The following GNAI1 variants were observed in gnomAD, a reference collection of about 807,000 sequenced individuals.
The protein encoded by GNAI1 is guanine nucleotide-binding protein G(i) subunit alpha-1.
GNAI1 carries 11 observed loss-of-function variants against 38.9 expected under a neutral mutation model. The observed-to-expected ratio is 0.28, with a 90% CI of 0.18 to 0.47. The LOEUF (loss-of-function observed/expected upper bound fraction) is 0.47. Ranked by LOEUF, GNAI1 falls within the 20% of genes least tolerant of loss-of-function variation. GNAI1 has a pLI of 0.99. For missense variants in GNAI1, 317 were observed against 436.9 expected, an observed-to-expected ratio of 0.73 and a Z score of 2.45; for synonymous variants, 166 against 145.1, an observed-to-expected ratio of 1.14 and a Z score of -1.04.
At position 80,212,812 on chromosome 7, in the gene GNAI1, C is replaced by G. The variant is rs975250753; in HGVS notation, c.817C>G (p.Leu273Val). The G allele has an allele frequency of 5.7e-6, 9 of 1,579,514 alleles. No individual in the cohort carries two copies. Among genetic ancestry groups the G allele is most frequent in the Non-Finnish European group, 7.7e-6 (9 of 1,163,232 alleles). ...SIILFLNKKD[L>V]FEEKIKKSPL... ...TATACTTTTTCTAAACAAGAAGGAT[C>G]TCTTTGAAGAAAAAATCAAAAAGAG... Residue 273 changes from leucine to valine, a missense_variant, in exon 7 of 8, where the codon CTC (leucine) becomes GTC (valine). By Grantham distance (32) the Leu-to-Val change is conservative (BLOSUM62 1). Around this residue, in one of 5 missense-constraint regions of GNAI1, gnomAD observed 158 missense variants for 234.7 expected, o/e 0.67. Coordinates refer to ENST00000649796, the MANE Select transcript of GNAI1 (RefSeq NM_002069.6).
intron 1 of GNAI1, chr7:80,136,124 T>A: frequency 1.3e-6 from 1 of 771,128 alleles, no homozygotes; most frequent in Non-Finnish European, 1.6e-6. Context: ...CGTGAAACGC[T>A]ACGTGGAGGT....
chr7:80,214,799 A>G lies in GNAI1; in HGVS notation c.874+1930A>G, dbSNP rs569997474. On this transcript the variant is annotated intron_variant, in intron 7 of 7. Transcript: ENST00000649796. ...CTTCTCCTCCTCTTCTTTTTCCTGT[A>G]TGTTGCCACTTCACCAGTTTCATCT... 3.9e-5 allele frequency among the ~76,000 whole-genome samples: 6 copies of G among 152,050 alleles called. No homozygotes were observed. The South Asian group carries it at 1.2e-3, about 32-fold the overall frequency.
chr7:80,180,186 C>G (rs1788264791), intron 1 of GNAI1, among the ~76,000 whole-genome samples: 1 of 152,122 alleles, frequency 6.6e-6, no homozygotes, highest in East Asian at 1.9e-4. Context: ...TATATGATTT[C>G]CTGATGAAGA....
chr7:80,200,324 CAAAAAAAAAAA>C (rs59511755), intron 4 of GNAI1, among the ~76,000 whole-genome samples: 2 of 40,376 alleles, frequency 5.0e-5, no homozygotes, highest in Non-Finnish European at 7.3e-5. Context: ...GGCCATGTCT[CAAAAAAAAAAA>C]AAAAAAAAAA....
In GNAI1 at chr7:80,225,192, T is replaced by C. The variant is rs373885367; in HGVS notation, c.*7699T>C. 3.7e-4 allele frequency among the ~76,000 whole-genome samples: 57 copies of C among 152,308 alleles called. 1 individual carries two copies. In the East Asian group the frequency reaches 0.01, roughly 27 times the overall value. ...TGCTATCGTTTGGTTTGGTGTAATA[T>C]AGCCTTTCCTGTGGGGGGAAAACCC... is the stretch of plus-strand genomic sequence containing the variant. On this transcript the variant is annotated 3_prime_UTR_variant, in exon 8 of 8. Coordinates refer to ENST00000649796, the MANE Select transcript of GNAI1 (RefSeq NM_002069.6).
intron 1 of GNAI1, among the ~76,000 whole-genome samples, chr7:80,143,306 G>A (rs1233760382): frequency 6.6e-6 from 1 of 152,134 alleles, no homozygotes; most frequent in Admixed American, 6.5e-5. Context: ...AGGTAGGGGA[G>A]GTGAGTGTCA....
chr7:80,219,026 T>TA lies in GNAI1; in HGVS notation c.*1533_*1534insA, dbSNP rs1491512870. 2.7e-5 allele frequency: 3 copies of TA among 112,764 alleles called. No individual in the cohort carries two copies. The Admixed American group carries it at 3.0e-4, about 11-fold the overall frequency. 7.0% of individuals were successfully genotyped at this position (112,764 alleles called of 1,614,324 possible). A position where few individuals can be genotyped will look rare whatever the true frequency, so the allele number is the denominator to read the frequency against. ...CGTGTTGTCACTGGGTTGAAGTATATTTGTGTGTGTGTGTGTGTGTGTGTG... is the reference window on the plus strand; with the variant it reads ...CGTGTTGTCACTGGGTTGAAGTATATATTGTGTGTGTGTGTGTGTGTGTGTG... On this transcript the variant is annotated 3_prime_UTR_variant, in exon 8 of 8. Coordinates refer to ENST00000649796, the MANE Select transcript of GNAI1 (RefSeq NM_002069.6).
chr7:80,187,986 TTGAGGAGAGCCTGCATGTATACAGAG>T (rs1788417497), intron 1 of GNAI1, among the ~76,000 whole-genome samples: 1 of 152,204 alleles, frequency 6.6e-6, no homozygotes, highest in Non-Finnish European at 1.5e-5. Flanking sequence ...AACTCAAATC[TTGAGGAGAGCCTGCATGTATACAGAG>T]TGAAGGAGAG....
chr7:80,135,347 G>C, intron 1 of GNAI1, 69 bp downstream of exon 1: 2 of 947,584 alleles, frequency 2.1e-6, no homozygotes, highest in Non-Finnish European at 2.9e-6. Flanking sequence ...GGCCCTCGGC[G>C]TTTGGAAACC....
At chr7:80,191,013 C>G (rs1343701851) in intron 3 of GNAI1, among the ~76,000 whole-genome samples, 1 of 151,910 alleles carries the variant, frequency 6.6e-6, no homozygotes, top group African/African-American at 2.4e-5. Context: ...CTTTGCTCAT[C>G]TTTGTTTCAC....
At position 80,159,116 on chromosome 7, in the gene GNAI1, G is replaced by A. The variant is rs995708289; in HGVS notation, c.118+23838G>A. Reference sequence around the variant, plus strand: ...TGTCAAGCTGAGGGTGCCATCCTGGGCCACATAATAAATTTATCTTGTGCT... The same window carrying A: ...TGTCAAGCTGAGGGTGCCATCCTGGACCACATAATAAATTTATCTTGTGCT... On this transcript the variant is annotated intron_variant, in intron 1 of 7. Transcript: ENST00000649796. 2.0e-5 allele frequency among the ~76,000 whole-genome samples: 3 copies of A among 152,254 alleles called. No homozygotes were observed. In the South Asian group the frequency reaches 6.2e-4, roughly 32 times the overall value.
chr7:80,196,691 G>C (rs1286109048), intron 3 of GNAI1, among the ~76,000 whole-genome samples: 1 of 151,868 alleles, frequency 6.6e-6, no homozygotes. Flanking sequence ...AATTTCAGCA[G>C]TGTTTTCCTG....
chr7:80,135,399 G>C (rs1787391826), intron 1 of GNAI1, 121 bp downstream of exon 1: 1 of 531,708 alleles, frequency 1.9e-6, no homozygotes, highest in Non-Finnish European at 3.0e-6. Flanking sequence ...GCTTCTGAGC[G>C]GGAGCTGGGT....
At position 80,159,812 on chromosome 7, in the gene GNAI1, T is replaced by C. The variant is rs139427726; in HGVS notation, c.118+24534T>C. ...AGCTTCCTCGCTGGTAGTGTGATTG[T>C]GGCACATTTCTAGATTTCTGGGGAA... On this transcript the variant is annotated intron_variant, in intron 1 of 7. Transcript: ENST00000649796. Among the ~76,000 whole-genome samples the C allele has an allele frequency of 5.9e-5, 9 of 152,294 alleles. No homozygotes were observed. The East Asian group carries it at 1.2e-3, about 20-fold the overall frequency.
intron 1 of GNAI1, among the ~76,000 whole-genome samples, chr7:80,174,209 T>TA (rs1240845528): frequency 6.6e-6 from 1 of 152,188 alleles, no homozygotes; most frequent in African/African-American, 2.4e-5. Context: ...TGATTTAGTG[T>TA]AAAAATTTGG....
chr7:80,203,757 A>T lies in GNAI1; in HGVS notation c.515A>T (p.Gln172Leu). The change falls in exon 5 of 8, where the codon CAA becomes CTA. Residue 172 changes from glutamine to leucine, a missense_variant. Gln to Leu is a moderately radical substitution (Grantham distance 113, BLOSUM62 -2). Coordinates refer to ENST00000649796, the MANE Select transcript of GNAI1 (RefSeq NM_002069.6). ...IAQPNYIPTQ[Q>L]DVLRTRVKTT... is the part of the protein sequence containing the mutation. ...CAACCAAATTACATCCCGACTCAAC[A>T]AGATGTTCTCAGAACTAGAGTGAAA... 1.3e-6 allele frequency: 2 copies of T among 1,589,244 alleles called. No individual in the cohort carries two copies. The highest frequency in any genetic ancestry group is 1.7e-6 in the Non-Finnish European group (2 of 1,159,296).
At position 80,135,179 on chromosome 7, in the gene GNAI1, G is replaced by T; in HGVS notation, c.19G>T (p.Ala7Ser). The change falls in exon 1 of 8, where the codon GCC becomes TCC. Residue 7 changes from alanine to serine, a missense_variant. Around this residue, in one of 5 missense-constraint regions of GNAI1, gnomAD observed 37 missense variants for 26.2 expected, o/e 1.41. Coordinates refer to ENST00000649796, the MANE Select transcript of GNAI1 (RefSeq NM_002069.6). ...CGGCACCATGGGCTGCACGCTGAGCGCCGAGGACAAGGCGGCGGTGGAGCG... is the reference window on the plus strand; with the variant it reads ...CGGCACCATGGGCTGCACGCTGAGCTCCGAGGACAAGGCGGCGGTGGAGCG... MGCTLS[A>S]EDKAAVERSK... is the part of the protein sequence containing the mutation. The T allele has an allele frequency of 6.5e-7, 1 of 1,541,694 alleles. No homozygotes were observed. Among genetic ancestry groups the T allele is most frequent in the Non-Finnish European group, 8.7e-7 (1 of 1,144,904 alleles).
intron 4 of GNAI1, among the ~76,000 whole-genome samples, chr7:80,201,761 G>A (rs896430641): frequency 2.0e-5 from 3 of 151,996 alleles, no homozygotes; most frequent in East Asian, 3.9e-4. Flanking sequence ...TGAAAAATAT[G>A]TTGCTTTAGT....
At chr7:80,184,267 G>A (rs1013201868) in intron 1 of GNAI1, among the ~76,000 whole-genome samples, 5 of 152,252 alleles carry the variant, frequency 3.3e-5, no homozygotes, top group Admixed American at 1.3e-4. Context: ...GAAGGAACGC[G>A]CACCTGGAAG....
Sources: allele counts gnomAD v4.1 joint callset (sites outside exome capture counted in the v4.1 genomes callset), GRCh38; gene constraint gnomAD v4.1.1; regional missense constraint gnomAD v4.1.1; transcripts MANE v1.5; gene names NCBI Gene and HGNC (gene_info 2026-07-23, HGNC 2026-07-21).